The following EXTL1 variants were observed in gnomAD, a reference collection of about 807,000 sequenced individuals.
EXTL1 encodes exostosin like glycosyltransferase 1.
Under a neutral mutation model 64.6 loss-of-function variants are expected in EXTL1, and 43 were observed. That is an observed-to-expected ratio of 0.67 (90% CI 0.52 to 0.86). The LOEUF is 0.86. Ranked by LOEUF, EXTL1 falls within the 40% of genes least tolerant of loss-of-function variation. The pLI is 0.00. For missense variants in EXTL1, 766 were observed against 879.0 expected, an observed-to-expected ratio of 0.87 and a Z score of 1.62; for synonymous variants, 352 against 360.5, an observed-to-expected ratio of 0.98 and a Z score of 0.27.
At position 26,035,253 on chromosome 1, in the gene EXTL1, C is replaced by T. The variant is rs1453558628; in HGVS notation, c.1937C>T (p.Pro646Leu). Residue 646 changes from proline (P) to leucine (L), a missense_variant, in exon 11 of 11, where the codon CCC (proline) becomes CTC (leucine). Physicochemically the swap from Pro to Leu is moderately conservative, Grantham distance 98. Coordinates refer to ENST00000374280, the MANE Select transcript of EXTL1 (RefSeq NM_004455.3). This position sits in a 1 kb window ranked among gnomAD's most constrained non-coding sequence, Gnocchi z 5.3. ...NQIAAAFGHM[P>L]LLSSRLRLDP... Reference sequence around the variant, plus strand: ...ATAGCGGCAGCGTTCGGCCACATGCCCTTGCTGTCCTCTCGTCTGCGTCTG... The same window carrying T: ...ATAGCGGCAGCGTTCGGCCACATGCTCTTGCTGTCCTCTCGTCTGCGTCTG... 3 of 1,613,688 alleles carry T rather than the reference C, an allele frequency of 1.9e-6. No homozygotes were observed. Among genetic ancestry groups the T allele is most frequent in the African/African-American group, 1.3e-5 (1 of 75,060 alleles).
intron 4 of EXTL1, among the ~76,000 whole-genome samples, chr1:26,030,904 A>T (rs967708358): frequency 2.0e-5 from 3 of 152,216 alleles, no homozygotes; most frequent in Non-Finnish European, 4.4e-5. Context: ...AAAGAATGTC[A>T]TGACCCATTA....
chr1:26,022,878 G>A lies in EXTL1; in HGVS notation c.232G>A (p.Gly78Ser). The change falls in exon 1 of 11, where the codon GGC (glycine) becomes AGC (serine). Residue 78 changes from glycine (G) to serine (S), a missense_variant. Transcript: ENST00000374280. Reference sequence around the variant, plus strand: ...TTCACCTCCTCAAGCCCCTCATGGTGGCAGCTGCAACTGGGAATCTTGCTT... The same window carrying A: ...TTCACCTCCTCAAGCCCCTCATGGTAGCAGCTGCAACTGGGAATCTTGCTT... Reference protein sequence around the residue: ...AVSPPQAPHGGSCNWESCFDT... With the variant: ...AVSPPQAPHGSSCNWESCFDT... 1 of 1,614,032 alleles carries A rather than the reference G, an allele frequency of 6.2e-7. No individual in the cohort carries two copies. The highest frequency in any genetic ancestry group is 8.5e-7 in the Non-Finnish European group (1 of 1,180,018).
chr1:26,026,520 C>G (rs1392759461), intron 1 of EXTL1, among the ~76,000 whole-genome samples: 1 of 152,112 alleles, frequency 6.6e-6, no homozygotes, highest in African/African-American at 2.4e-5. Context: ...TCTCAAACTC[C>G]TGACTTCAAA....
At chr1:26,031,609 G>T (rs960333424) in intron 6 of EXTL1, 43 bp downstream of exon 6, 1 of 1,283,812 alleles carries the variant, frequency 7.8e-7, no homozygotes, top group Non-Finnish European at 1.1e-6. Flanking sequence ...CCAGGGTGGG[G>T]GTAAGGGACA....
chr1:26,027,049 C>G (rs1375209646), intron 1 of EXTL1, among the ~76,000 whole-genome samples: 1 of 152,214 alleles, frequency 6.6e-6, no homozygotes, highest in African/African-American at 2.4e-5. Flanking sequence ...TACCTGGTCT[C>G]TTGGTCCCAG....
At chr1:26,031,017 C>A in intron 4 of EXTL1, 115 bp from the exon 5 acceptor site, 1 of 1,333,112 alleles carries the variant, frequency 7.5e-7, no homozygotes, top group Non-Finnish European at 1.1e-6. Flanking sequence ...CTAGACTCAG[C>A]TTCTGACCCC....
intron 5 of EXTL1, 77 bp from the exon 6 acceptor site, chr1:26,031,382 CG>C: frequency 1.4e-6 from 2 of 1,394,526 alleles, no homozygotes; most frequent in Non-Finnish European, 2.0e-6. Flanking sequence ...TCCTGGCCCC[CG>C]GGGATTCCCT....
At position 26,030,550 on chromosome 1, in the gene EXTL1, T is replaced by G; in HGVS notation, c.1056T>G (p.Asp352Glu). The G allele has an allele frequency of 1.9e-6, 3 of 1,613,834 alleles. No homozygotes were observed. Among genetic ancestry groups the G allele is most frequent in the Non-Finnish European group, 2.5e-6 (3 of 1,179,964 alleles). The change falls in exon 4 of 11, where the codon GAT becomes GAG. Residue 352 changes from aspartate to glutamate, a missense_variant. By Grantham distance (45) the Asp-to-Glu change is conservative. Around this residue, in one of 3 missense-constraint regions of EXTL1, gnomAD observed 571 missense variants for 647.6 expected, o/e 0.88. Transcript: ENST00000374280. ...GTCAGCAGACCCAGTTTCTATGGGA[T>G]GCCTACTTCTCCTCAGTGGAGAAGG... is the stretch of plus-strand genomic sequence containing the variant. ...ALRQQTQFLWDAYFSSVEKVI... is the reference protein window; with the variant it reads ...ALRQQTQFLWEAYFSSVEKVI...
In EXTL1 at chr1:26,031,230, C is replaced by T. The variant is rs1240289568; in HGVS notation, c.1200C>T (p.Ser400=). 1.9e-6 allele frequency: 3 copies of T among 1,613,862 alleles called. No homozygotes were observed. Among genetic ancestry groups the T allele is most frequent in the Admixed American group, 3.3e-5 (2 of 59,988 alleles). ...TGGCCCTGTCTACTTTTTCCACAAG[C>T]CCCCAGGACTTCCCCTTCTACTACC... ...ALLALSTFST[S]PQDFPFYYLQ... The change falls in exon 5 of 11, where the codon AGC becomes AGT. Residue 400 remains serine (S), a synonymous_variant. Coordinates refer to ENST00000374280, the MANE Select transcript of EXTL1 (RefSeq NM_004455.3).
At position 26,033,964 on chromosome 1, in the gene EXTL1, G is replaced by A; in HGVS notation, c.1679+108G>A. The A allele has an allele frequency of 1.1e-6, 1 of 906,714 alleles. No individual in the cohort carries two copies. The highest frequency in any genetic ancestry group is 3.1e-5 in the East Asian group (1 of 31,880). The allele number at this position is 906,714 out of a possible 1,614,324, so 56.2% of individuals were successfully genotyped here. A position where few individuals can be genotyped will look rare whatever the true frequency, so the allele number is the denominator to read the frequency against. The stretch of plus-strand genomic sequence containing the variant: ...TAGACCCCAGGGATCCAGGTTCAAG[G>A]CCGAGATCTGCCACTTCCCAGCTGT... On this transcript the variant is annotated intron_variant, in intron 9 of 10. Transcript: ENST00000374280. This position sits in a 1 kb window ranked among gnomAD's most constrained non-coding sequence, Gnocchi z 5.1.
rs937110910 is a variant in EXTL1 at position 26,021,825 on chromosome 1, T to G, written c.-822T>G. ...GGAGATACCATAGGGTTTGGGGGGC[T>G]TGGCACAGCGGCCCTGGCCTCTGCA... On this transcript the variant is annotated 5_prime_UTR_variant, in exon 1 of 11. Transcript: ENST00000374280. 1.1e-4 allele frequency: 17 copies of G among 152,424 alleles called. No homozygotes were observed. The highest frequency in any genetic ancestry group is 4.1e-4 in the African/African-American group (17 of 41,426). The allele number at this position is 152,424 out of a possible 1,614,324, so 9.4% of individuals were successfully genotyped here. A position where few individuals can be genotyped will look rare whatever the true frequency, so the allele number is the denominator to read the frequency against.
In EXTL1 at chr1:26,035,368, C is replaced by T; in HGVS notation, c.*21C>T. 1 of 1,579,928 alleles carries T rather than the reference C, an allele frequency of 6.3e-7. No individual in the cohort carries two copies. Among genetic ancestry groups the T allele is most frequent in the Non-Finnish European group, 8.6e-7 (1 of 1,158,330 alleles). ...CCTAGGGGGGCGACCCGCGGAGACC[C>T]CAGCAGAGGTCGCAGCCCAGCTCCC... On this transcript the variant is annotated 3_prime_UTR_variant, in exon 11 of 11. Transcript: ENST00000374280. The surrounding 1 kb of genome is among the most constrained non-coding windows in gnomAD (Gnocchi z 5.3).
Position 26,022,877 on chromosome 1 carries a change from T to C in EXTL1, c.231T>C (p.Gly77=). The part of the protein sequence containing the change: ...DAVSPPQAPH[G]GSCNWESCFD... ...TTTCACCTCCTCAAGCCCCTCATGG[T>C]GGCAGCTGCAACTGGGAATCTTGCT... Residue 77 remains glycine (G), a synonymous_variant, in exon 1 of 11, where the codon GGT becomes GGC. Transcript: ENST00000374280. The C allele has an allele frequency of 1.2e-6, 2 of 1,614,032 alleles. No individual in the cohort carries two copies. Among genetic ancestry groups the C allele is most frequent in the East Asian group, 2.2e-5 (1 of 44,878 alleles).
chr1:26,032,316 T>G (rs1421482010), intron 6 of EXTL1, 80 bp from the exon 7 acceptor site: 10 of 907,138 alleles, frequency 1.1e-5, no homozygotes, highest in Non-Finnish European at 1.8e-5. Flanking sequence ...TCTTCCACCT[T>G]GAGAAAGATC....
chr1:26,029,647 C>T lies in EXTL1; in HGVS notation c.921C>T (p.Phe307=), dbSNP rs1340773186. Residue 307 remains phenylalanine, a synonymous_variant, in exon 3 of 11, where the codon TTC becomes TTT. Transcript: ENST00000374280. ...VLLSPRWELP[F]SEVIDWTKAA... is the part of the protein sequence containing the mutation. ...TCAGCCCCCGCTGGGAGCTGCCCTT[C>T]TCCGAGGTCATCGACTGGACCAAGG... is the stretch of plus-strand genomic sequence containing the variant. 1 of 1,612,276 alleles carries T rather than the reference C, an allele frequency of 6.2e-7. No homozygotes were observed. The highest frequency in any genetic ancestry group is 1.7e-5 in the Admixed American group (1 of 59,958).
chr1:26,033,240 C>A lies in EXTL1; in HGVS notation c.1443C>A (p.Arg481=). 1.2e-6 allele frequency: 2 copies of A among 1,613,536 alleles called. No individual in the cohort carries two copies. The highest frequency in any genetic ancestry group is 1.7e-6 in the Non-Finnish European group (2 of 1,179,500). ...CCCACTCCCTGCAGGTTAGTGATCG[C>A]TTCTACCCATATAGCACCATCAGAA... is the stretch of plus-strand genomic sequence containing the variant. ...VIDGHRKVSD[R]FYPYSTIRTD... The change falls in exon 8 of 11, where the codon CGC becomes CGA. Residue 481 remains arginine (R), a synonymous_variant. Transcript: ENST00000374280. This position sits in a 1 kb window ranked among gnomAD's most constrained non-coding sequence, Gnocchi z 5.1.
At chr1:26,028,875 G>A (rs371983374) in intron 1 of EXTL1, among the ~76,000 whole-genome samples, 7 of 152,200 alleles carry the variant, frequency 4.6e-5, no homozygotes, top group East Asian at 3.8e-4. Flanking sequence ...ATCAGCGTCC[G>A]CTGCCTCCCA....
intron 4 of EXTL1, among the ~76,000 whole-genome samples, chr1:26,030,829 C>A (rs2050275786): frequency 6.6e-6 from 1 of 152,210 alleles, no homozygotes; most frequent in South Asian, 2.1e-4. Context: ...TCAAAGCATG[C>A]ACCAATGCCA....
rs1257927610 is a variant in EXTL1, at chr1:26,025,775, C to T, written c.779+2350C>T. 6.6e-6 allele frequency among the ~76,000 whole-genome samples: 1 copy of T among 152,172 alleles called. No individual in the cohort carries two copies. The highest frequency in any genetic ancestry group is 2.4e-5 in the African/African-American group (1 of 41,434). On this transcript the variant is annotated intron_variant, in intron 1 of 10. Coordinates refer to ENST00000374280, the MANE Select transcript of EXTL1 (RefSeq NM_004455.3). This position sits in a 1 kb window ranked among gnomAD's most constrained non-coding sequence, Gnocchi z 5.3. ...CCTGCCTGGAGCCAAACACTGCTTC[C>T]AGTTTCTTACGTGTCTTTTCTGAGA...
Sources: allele counts gnomAD v4.1 joint callset (sites outside exome capture counted in the v4.1 genomes callset), GRCh38; gene constraint gnomAD v4.1.1; regional missense constraint gnomAD v4.1.1; non-coding constraint Gnocchi (gnomAD v3.1); transcripts MANE v1.5; gene names NCBI Gene and HGNC (gene_info 2026-07-23, HGNC 2026-07-21).